Variants in SIPA1L1 observed in about 807,000 individuals in gnomAD.
The protein encoded by SIPA1L1 is signal-induced proliferation-associated 1-like protein 1.
In SIPA1L1, 26 loss-of-function variants were observed where a neutral mutation model predicts 162.7. That is an observed-to-expected ratio of 0.16 (90% CI 0.12 to 0.22). SIPA1L1 has a LOEUF of 0.22. Ranked by LOEUF, SIPA1L1 falls within the 10% of genes least tolerant of loss-of-function variation. The probability of loss-of-function intolerance (pLI) is 1.00; values close to 1 mark genes in which losing one functional copy is unlikely to be tolerated. For synonymous variants in SIPA1L1, 829 were observed against 837.4 expected (o/e 0.99, Z 0.17); for missense variants, 1,874 against 2,241.0 (o/e 0.84, Z 3.31).
intron 7 of SIPA1L1, among the ~76,000 whole-genome samples, chr14:71,633,847 T>TAAAATATTTAAC (rs887274393): frequency 6.6e-6 from 1 of 152,132 alleles, no homozygotes; most frequent in African/African-American, 2.4e-5. Context: ...GGGGCTATAA[T>TAAAATATTTAAC]AAAATATTTA....
chr14:71,732,665 C>T (rs756770493), intron 20 of SIPA1L1, among the ~76,000 whole-genome samples: 46 of 152,220 alleles, frequency 3.0e-4, no homozygotes, highest in Admixed American at 1.5e-3. Flanking sequence ...TGTTAGACTG[C>T]TGCAACCCAA....
intron 2 of SIPA1L1, among the ~76,000 whole-genome samples, chr14:71,349,314 C>T (rs1031993894): frequency 1.3e-5 from 2 of 152,262 alleles, no homozygotes; most frequent in Admixed American, 1.3e-4. Context: ...GGGCAGAACC[C>T]TTCTGGAATA....
At chr14:71,666,316 T>C (rs1488699844) in intron 10 of SIPA1L1, among the ~76,000 whole-genome samples, 1 of 152,258 alleles carries the variant, frequency 6.6e-6, no homozygotes, top group Non-Finnish European at 1.5e-5. Flanking sequence ...ATGCCCCATT[T>C]CTTCAACAAG....
At chr14:71,333,812 A>G (rs190332313) in intron 2 of SIPA1L1, among the ~76,000 whole-genome samples, 37 of 152,162 alleles carry the variant, frequency 2.4e-4, no homozygotes, top group African/African-American at 7.0e-4. Flanking sequence ...AATGGGGAGG[A>G]GTGCAAAGGT....
intron 2 of SIPA1L1, among the ~76,000 whole-genome samples, chr14:71,408,293 A>G (rs1272375236): frequency 6.6e-6 from 1 of 152,112 alleles, no homozygotes; most frequent in East Asian, 1.9e-4. Flanking sequence ...CTGCTTTCGT[A>G]TTCCTTTATA....
intron 2 of SIPA1L1, among the ~76,000 whole-genome samples, chr14:71,488,220 G>A (rs1009650428): frequency 6.6e-6 from 1 of 152,056 alleles, no homozygotes; most frequent in African/African-American, 2.4e-5. Flanking sequence ...ATGTACAAAT[G>A]GGCACATCTG....
At chr14:71,403,317 TG>T (rs2041809533) in intron 2 of SIPA1L1, among the ~76,000 whole-genome samples, 1 of 152,068 alleles carries the variant, frequency 6.6e-6, no homozygotes. Context: ...AAAAGAATCT[TG>T]GCCTGGCGCG....
At position 71,690,757 on chromosome 14, in the gene SIPA1L1, T is replaced by C. The variant is rs537191115; in HGVS notation, c.3374+5126T>C. Among the ~76,000 whole-genome samples the C allele has an allele frequency of 2.6e-5, 4 of 152,344 alleles. No homozygotes were observed. In the East Asian group the frequency reaches 7.7e-4, roughly 29 times the overall value. ...TCATTTTTATTTGAATCCCACACTG[T>C]GCAATTCTTCTAGAAGGTTCATCCA... On this transcript the variant is annotated intron_variant, in intron 13 of 23. Coordinates refer to ENST00000381232, the MANE Select transcript of SIPA1L1 (RefSeq NM_001386936.1).
intron 17 of SIPA1L1, among the ~76,000 whole-genome samples, chr14:71,712,711 A>G (rs1428966716): frequency 1.3e-5 from 2 of 152,210 alleles, no homozygotes; most frequent in Non-Finnish European, 2.9e-5. Flanking sequence ...CTGCTGACCA[A>G]TGCTGTTTCT....
chr14:71,329,532 C>T (rs1229136672), intron 2 of SIPA1L1, among the ~76,000 whole-genome samples: 1 of 151,898 alleles, frequency 6.6e-6, no homozygotes, highest in African/African-American at 2.4e-5. Flanking sequence ...CGTCCACCTC[C>T]CGGGCTCAAG....
At chr14:71,699,151 T>C (rs746514214) in intron 14 of SIPA1L1, 24 bp downstream of exon 14, 2 of 1,611,602 alleles carry the variant, frequency 1.2e-6, no homozygotes, top group East Asian at 4.5e-5. Context: ...TGTCCCATTG[T>C]ACATGGTCCC....
Position 71,419,646 on chromosome 14 carries a change from C to T in SIPA1L1, c.-464-93097C>T, listed in dbSNP as rs572604846. Among the ~76,000 whole-genome samples the T allele has an allele frequency of 1.3e-4, 19 of 151,166 alleles. No homozygotes were observed. In the East Asian group the frequency reaches 2.6e-3, roughly 20 times the overall value. On this transcript the variant is annotated intron_variant, in intron 2 of 23. Transcript: ENST00000381232. The stretch of plus-strand genomic sequence containing the variant: ...CCGAGTAGCTGGGACTACAGGTGCC[C>T]GCCACCACGCCCGGCTAATTTTTTG...
chr14:71,650,428 T>G lies in SIPA1L1; in HGVS notation c.1912T>G (p.Phe638Val). The G allele has an allele frequency of 6.2e-7, 1 of 1,614,096 alleles. No individual in the cohort carries two copies. Among genetic ancestry groups the G allele is most frequent in the Non-Finnish European group, 8.5e-7 (1 of 1,179,910 alleles). ...MYNNESAGPA[F>V]EEFLQLLGER... is the part of the protein sequence containing the mutation. ...CAACAATGAGTCAGCTGGCCCAGCC[T>G]TTGAAGAATTTCTTCAACTATTGGG... is the stretch of plus-strand genomic sequence containing the variant. The change falls in exon 8 of 24, where the codon TTT becomes GTT. Residue 638 changes from phenylalanine (F) to valine (V), a missense_variant. By Grantham distance (50) the Phe-to-Val change is conservative. Transcript: ENST00000381232.
At chr14:71,697,712 C>T (rs2081755476) in intron 13 of SIPA1L1, among the ~76,000 whole-genome samples, 1 of 152,144 alleles carries the variant, frequency 6.6e-6, no homozygotes, top group African/African-American at 2.4e-5. Context: ...CTTTTAGTAT[C>T]TATCCTTATT....
intron 2 of SIPA1L1, among the ~76,000 whole-genome samples, chr14:71,411,751 A>C (rs725673): frequency 0.16 from 24,858 of 152,168 alleles, 2,637 homozygotes; most frequent in Middle Eastern, 0.35. Flanking sequence ...CCCACTACCC[A>C]CAGCCCCTGG....
At chr14:71,493,269 A>T (rs2049440336) in intron 2 of SIPA1L1, among the ~76,000 whole-genome samples, 1 of 151,022 alleles carries the variant, frequency 6.6e-6, no homozygotes, top group East Asian at 2.0e-4. Flanking sequence ...AGTTTTTTTT[A>T]TTTTTGGAGT....
chr14:71,646,765 G>A (rs2042208591), intron 7 of SIPA1L1, among the ~76,000 whole-genome samples: 1 of 152,130 alleles, frequency 6.6e-6, no homozygotes, highest in South Asian at 2.1e-4. Context: ...TGACCCAGAG[G>A]TTATCCAAAG....
At chr14:71,340,096 T>C (rs1212550363) in intron 2 of SIPA1L1, among the ~76,000 whole-genome samples, 1 of 152,270 alleles carries the variant, frequency 6.6e-6, no homozygotes, top group African/African-American at 2.4e-5. Flanking sequence ...GTTAAACTTA[T>C]AATTCGTTTT....
At chr14:71,397,278 G>A (rs981457369) in intron 2 of SIPA1L1, among the ~76,000 whole-genome samples, 5 of 151,950 alleles carry the variant, frequency 3.3e-5, no homozygotes, top group African/African-American at 7.3e-5. Flanking sequence ...ATTGTTTTCC[G>A]TGTGTTGTCA....
Sources: allele counts gnomAD v4.1 joint callset (sites outside exome capture counted in the v4.1 genomes callset), GRCh38; gene constraint gnomAD v4.1.1; transcripts MANE v1.5; gene names NCBI Gene and HGNC (gene_info 2026-07-23, HGNC 2026-07-21).